LYPD6B: variants seen among roughly 807,000 people sequenced by gnomAD.
LYPD6B encodes LY6/PLAUR domain containing 6B, also known as ly6/PLAUR domain-containing protein 6B.
LYPD6B carries 17 observed loss-of-function variants against 22.8 expected under a neutral mutation model. The ratio of observed to expected loss-of-function variants is 0.75; its 90% confidence interval spans 0.51 to 1.12. The LOEUF is 1.12. LYPD6B is among the 50% of genes most tolerant of loss of function. LYPD6B has a pLI of 0.00. For synonymous variants in LYPD6B, 106 were observed against 91.6 expected, an observed-to-expected ratio of 1.16 and a Z score of -0.90; for missense variants, 221 against 258.3, an observed-to-expected ratio of 0.86 and a Z score of 0.99.
chr2:149,044,012 C>T (rs1305503773), intron 1 of LYPD6B, among the ~76,000 whole-genome samples: 1 of 152,048 alleles, frequency 6.6e-6, no homozygotes, highest in East Asian at 1.9e-4. Context: ...GCCAACACTA[C>T]AGTATCTTGA....
chr2:149,102,857 C>G (rs915742150), intron 1 of LYPD6B, among the ~76,000 whole-genome samples: 1 of 152,126 alleles, frequency 6.6e-6, no homozygotes, highest in African/African-American at 2.4e-5. Flanking sequence ...GTCTCAAACT[C>G]CTGACCTCAA....
chr2:149,101,987 G>A (rs1415794076), intron 1 of LYPD6B, among the ~76,000 whole-genome samples: 3 of 152,172 alleles, frequency 2.0e-5, no homozygotes, highest in African/African-American at 7.2e-5. Context: ...TCAGCAAGCG[G>A]TAGAGATACC....
chr2:149,107,220 A>T (rs920987107), intron 1 of LYPD6B, among the ~76,000 whole-genome samples: 1 of 152,190 alleles, frequency 6.6e-6, no homozygotes, highest in Non-Finnish European at 1.5e-5. Flanking sequence ...ATGAGATACC[A>T]CAGTAATCAA....
At chr2:149,148,137 C>T (rs1258573767) in intron 2 of LYPD6B, among the ~76,000 whole-genome samples, 2 of 152,188 alleles carry the variant, frequency 1.3e-5, no homozygotes, top group Non-Finnish European at 2.9e-5. Context: ...GAATGCCCTG[C>T]ATTTTCCTTT....
Position 149,048,887 on chromosome 2 carries a change from C to T in LYPD6B, c.-67+10086C>T, listed in dbSNP as rs148637153. On this transcript the variant is annotated intron_variant, in intron 1 of 6. Coordinates refer to ENST00000409642, the MANE Select transcript of LYPD6B (RefSeq NM_177964.5). ...ATTTCATATGTATAAATCAGTGGTT[C>T]TCAGCCCTTACTTGGGAAGCATGAA... is the stretch of plus-strand genomic sequence containing the variant. 2.0e-4 allele frequency among the ~76,000 whole-genome samples: 30 copies of T among 152,228 alleles called. 1 individual carries two copies. In the South Asian group the frequency reaches 6.2e-3, roughly 32 times the overall value.
chr2:149,117,415 C>A (rs964551197), intron 1 of LYPD6B, among the ~76,000 whole-genome samples: 1 of 151,882 alleles, frequency 6.6e-6, no homozygotes, highest in South Asian at 2.1e-4. Flanking sequence ...GGGCTACAGG[C>A]GAGCACCACC....
intron 3 of LYPD6B, among the ~76,000 whole-genome samples, chr2:149,180,361 A>G (rs1258131579): frequency 1.3e-5 from 2 of 152,228 alleles, no homozygotes. Context: ...CTTCTGGGTC[A>G]TAATTCTTTG....
At chr2:149,154,139 A>G in intron 2 of LYPD6B, 15 of 473,568 alleles carry the variant, frequency 3.2e-5, no homozygotes, top group Non-Finnish European at 4.1e-5. Context: ...CCCCAAAAAA[A>G]TCCAAGTTCC....
At position 149,208,378 on chromosome 2, in the gene LYPD6B, CAATCG is replaced by C. The variant is rs761137122; in HGVS notation, c.296_300del (p.Asn99MetfsTer38). The stretch of plus-strand genomic sequence containing the variant: ...AAAACGCAGGGGATAATTATAACTG[CAATCG>C]ATGGGCAGAAGACAAATGGTGTCCA... On this transcript the variant is annotated frameshift_variant, in exon 5 of 7. Coordinates refer to ENST00000409642, the MANE Select transcript of LYPD6B (RefSeq NM_177964.5). LOFTEE classifies it high-confidence loss of function. The C allele has an allele frequency of 3.1e-6, 5 of 1,613,646 alleles. No individual in the cohort carries two copies. In the South Asian group the frequency reaches 4.4e-5, roughly 14 times the overall value.
At chr2:149,056,796 C>T (rs1261503022) in intron 1 of LYPD6B, among the ~76,000 whole-genome samples, 1 of 152,150 alleles carries the variant, frequency 6.6e-6, no homozygotes, top group Non-Finnish European at 1.5e-5. Context: ...TCTAGGATTC[C>T]TGCTTCTCCT....
intron 2 of LYPD6B, among the ~76,000 whole-genome samples, chr2:149,142,514 T>A (rs868066811): frequency 1.4e-4 from 21 of 152,146 alleles, no homozygotes; most frequent in Middle Eastern, 6.8e-3. Flanking sequence ...AATTGGAGAG[T>A]GCCAGCCAAG....
chr2:149,049,007 T>C (rs1558967242), intron 1 of LYPD6B, among the ~76,000 whole-genome samples: 2 of 152,188 alleles, frequency 1.3e-5, no homozygotes, highest in Non-Finnish European at 2.9e-5. Flanking sequence ...GAGTCTGATA[T>C]TCATCTGCAT....
intron 3 of LYPD6B, among the ~76,000 whole-genome samples, chr2:149,162,572 A>C (rs1356199768): frequency 6.6e-6 from 1 of 152,132 alleles, no homozygotes; most frequent in African/African-American, 2.4e-5. Context: ...TCTCTTCTGC[A>C]TGAAGGTAGC....
At chr2:149,172,181 G>T (rs144150840) in intron 3 of LYPD6B, among the ~76,000 whole-genome samples, 1 of 152,100 alleles carries the variant, frequency 6.6e-6, no homozygotes, top group Non-Finnish European at 1.5e-5. Flanking sequence ...TGAGCAAAAG[G>T]GGGAGAAGCC....
chr2:149,196,199 G>A (rs10490386), intron 3 of LYPD6B, among the ~76,000 whole-genome samples: 29,716 of 152,112 alleles, frequency 0.2, 3,046 homozygotes, highest in East Asian at 0.36. Context: ...TATGGAGCAA[G>A]TGACACGCTG....
intron 1 of LYPD6B, among the ~76,000 whole-genome samples, chr2:149,053,027 A>G (rs1683634983): frequency 6.6e-6 from 1 of 152,212 alleles, no homozygotes; most frequent in African/African-American, 2.4e-5. Context: ...GGAAAGTGCA[A>G]CTGAAGAGTT....
At chr2:149,042,416 T>C (rs1420787905) in intron 1 of LYPD6B, among the ~76,000 whole-genome samples, 1 of 152,186 alleles carries the variant, frequency 6.6e-6, no homozygotes, top group Non-Finnish European at 1.5e-5. Context: ...CCTCAATATC[T>C]AGTTAGCAAA....
At chr2:149,043,496 T>C (rs1683180331) in intron 1 of LYPD6B, among the ~76,000 whole-genome samples, 1 of 152,180 alleles carries the variant, frequency 6.6e-6, no homozygotes, top group African/African-American at 2.4e-5. Flanking sequence ...CTACTTGCTT[T>C]TATTGAGTTT....
chr2:149,197,870 C>A (rs1215651154), intron 3 of LYPD6B, among the ~76,000 whole-genome samples: 2 of 152,088 alleles, frequency 1.3e-5, no homozygotes, highest in Non-Finnish European at 2.9e-5. Context: ...TTTATGGAAA[C>A]AAACAGGGTA....
Sources: gnomAD v4.1 joint callset for allele counts (sites outside exome capture counted in the v4.1 genomes callset) on GRCh38, gnomAD v4.1.1 for gene constraint, MANE v1.5 for transcripts, NCBI Gene and HGNC (gene_info 2026-07-23, HGNC 2026-07-21) for gene names.